The following TMEM37 variants were observed in gnomAD, a reference collection of about 807,000 sequenced individuals.
TMEM37 encodes the protein voltage-dependent calcium channel gamma-like subunit.
TMEM37 carries 12 observed loss-of-function variants against 11.0 expected under a neutral mutation model. The ratio of observed to expected loss-of-function variants is 1.09; its 90% CI spans 0.70 to 1.76. The LOEUF (loss-of-function observed/expected upper bound fraction) is 1.76, where lower values mean the gene tolerates loss of function less well. TMEM37 is among the 40% of genes most tolerant of loss of function. The probability of loss-of-function intolerance (pLI) is 0.00; values close to 1 mark genes in which losing one functional copy is unlikely to be tolerated. For synonymous variants in TMEM37, 127 were observed against 110.5 expected (o/e 1.15, Z -0.94); for missense variants, 203 against 251.2 (o/e 0.81, Z 1.30).
Position 119,437,021 on chromosome 2 carries a change from C to G in TMEM37, c.154C>G (p.Leu52Val), listed in dbSNP as rs369122111. 1 of 1,614,130 alleles carries G rather than the reference C, an allele frequency of 6.2e-7. No individual in the cohort carries two copies. Among genetic ancestry groups the G allele is most frequent in the African/African-American group, 1.3e-5 (1 of 74,946 alleles). The stretch of plus-strand genomic sequence containing the variant: ...CTCCATTTGTGATGGGCACTGGCTC[C>G]TGGCTGAGGACCGCCTCTTCGGGCT... ...SVSICDGHWLLAEDRLFGLWH... is the reference protein window; with the variant it reads ...SVSICDGHWLVAEDRLFGLWH... The change falls in exon 2 of 2, where the codon CTG (leucine) becomes GTG (valine). Residue 52 changes from leucine (L) to valine (V), a missense_variant. Physicochemically the swap from Leu to Val is conservative, Grantham distance 32 (BLOSUM62 1). Coordinates refer to ENST00000306406, the MANE Select transcript of TMEM37 (RefSeq NM_183240.3).
At chr2:119,431,271 C>G (rs1682388514), upstream of TMEM37, among the ~76,000 whole-genome samples, 1 of 152,230 alleles carries the variant, frequency 6.6e-6, no homozygotes, top group African/African-American at 2.4e-5. Context: ...GTTTTACATC[C>G]CCTTTTAGGG....
upstream of TMEM37, chr2:119,430,236 G>A: frequency 1.5e-6 from 1 of 655,448 alleles, no homozygotes. Context: ...CTTTGCCTTA[G>A]CTCAGTGGTT....
chr2:119,436,021 C>T (rs1009034091), intron 1 of TMEM37, among the ~76,000 whole-genome samples: 6 of 152,084 alleles, frequency 3.9e-5, no homozygotes, highest in African/African-American at 1.4e-4. Context: ...TTGTGAGAGG[C>T]TTGTGGGCTG....
upstream of TMEM37, among the ~76,000 whole-genome samples, chr2:119,431,347 C>T (rs1370855887): frequency 6.6e-6 from 1 of 152,168 alleles, no homozygotes; most frequent in Non-Finnish European, 1.5e-5. Context: ...GGCAAGAGCC[C>T]CACCTTTCAC....
chr2:119,437,522 C>T lies in TMEM37; in HGVS notation c.*82C>T. The T allele has an allele frequency of 6.6e-7, 1 of 1,513,634 alleles. No homozygotes were observed. Among genetic ancestry groups the T allele is most frequent in the South Asian group, 1.3e-5 (1 of 76,882 alleles). The allele number at this position is 1,513,634 out of a possible 1,614,324, so 93.8% of individuals were successfully genotyped here. The stretch of plus-strand genomic sequence containing the variant: ...AAAATGGGACTTTTCCAGCATGTGG[C>T]CTCTGGTGGGGCTGGGTTGGACAAG... On this transcript the variant is annotated 3_prime_UTR_variant, in exon 2 of 2. Transcript: ENST00000306406.
upstream of TMEM37, chr2:119,430,354 C>T: frequency 2.0e-6 from 1 of 496,596 alleles, no homozygotes; most frequent in Non-Finnish European, 4.1e-6. Flanking sequence ...TTCCAGGTGA[C>T]TCTGGTGCAG....
At chr2:119,431,555 ATC>A (rs901777597), upstream of TMEM37, among the ~76,000 whole-genome samples, 6 of 152,214 alleles carry the variant, frequency 3.9e-5, no homozygotes, top group African/African-American at 1.4e-4. Context: ...CCCTCGAGGA[ATC>A]TGCGCCCCAG....
upstream of TMEM37, chr2:119,429,977 TG>T (rs1682361204): frequency 5.8e-6 from 9 of 1,550,338 alleles, no homozygotes; most frequent in Admixed American, 5.9e-5. Flanking sequence ...ACTTCCCTCT[TG>T]GCCAGGTGAG....
intron 1 of TMEM37, 82 bp from the exon 2 acceptor site, chr2:119,436,807 G>A: frequency 8.9e-7 from 1 of 1,128,042 alleles, no homozygotes; most frequent in South Asian, 1.5e-5. Context: ...CAGGATGGAG[G>A]GCTCAGGGGT....
upstream of TMEM37, chr2:119,430,226 C>G: frequency 1.5e-6 from 1 of 648,936 alleles, no homozygotes; most frequent in Non-Finnish European, 2.9e-6. Flanking sequence ...GGCAGCTGCC[C>G]TTTGCCTTAG....
At chr2:119,430,101 C>A, upstream of TMEM37, 2 of 869,008 alleles carry the variant, frequency 2.3e-6, no homozygotes, top group Non-Finnish European at 3.6e-6. Context: ...GCTCTTTATC[C>A]AGAACCCAGA....
chr2:119,435,798 C>G (rs969846623), intron 1 of TMEM37, among the ~76,000 whole-genome samples: 11 of 152,172 alleles, frequency 7.2e-5, no homozygotes, highest in Non-Finnish European at 1.5e-4. Flanking sequence ...AGGGGCCTGA[C>G]TCTGGGTTGA....
intron 1 of TMEM37, among the ~76,000 whole-genome samples, chr2:119,434,365 G>A (rs2104737246): frequency 1.3e-5 from 2 of 152,212 alleles, no homozygotes; most frequent in Middle Eastern, 6.8e-3. Context: ...GGCTCAGGAA[G>A]TTAAGAAACT....
upstream of TMEM37, chr2:119,429,995 T>A: frequency 6.5e-7 from 1 of 1,549,302 alleles, no homozygotes; most frequent in Non-Finnish European, 8.7e-7. Context: ...TGAGATGCTA[T>A]GATCCAGAAT....
At chr2:119,432,336 A>T (rs1211417717) in intron 1 of TMEM37, 5 of 167,712 alleles carry the variant, frequency 3.0e-5, no homozygotes, top group African/African-American at 4.8e-5. Context: ...AGTGAGGCTT[A>T]TGTAACAGAG....
chr2:119,436,801 A>T, intron 1 of TMEM37, 88 bp from the exon 2 acceptor site: 11 of 1,067,198 alleles, frequency 1.0e-5, no homozygotes, highest in South Asian at 1.5e-5. Flanking sequence ...GCGGAGCAGG[A>T]TGGAGGGCTC....
upstream of TMEM37, chr2:119,431,844 C>A: frequency 8.1e-7 from 1 of 1,228,820 alleles, no homozygotes; most frequent in South Asian, 3.7e-5. Flanking sequence ...GGGCTGGCGC[C>A]GGCGGCCACA....
Position 119,437,905 on chromosome 2 carries a change from G to A in TMEM37, c.*465G>A. On this transcript the variant is annotated 3_prime_UTR_variant, in exon 2 of 2. Transcript: ENST00000306406. ...GAATGGATCATTCTTCCAGCTAAGG[G>A]TCCAATCAGTGCCTAGGACTTTCTT... 1 of 111,152 alleles carries A rather than the reference G, an allele frequency of 9.0e-6. No homozygotes were observed. Among genetic ancestry groups the A allele is most frequent in the Non-Finnish European group, 2.1e-5 (1 of 47,944 alleles). 6.9% of individuals were successfully genotyped at this position (111,152 alleles called of 1,614,324 possible).
chr2:119,430,279 A>G (rs987104998), upstream of TMEM37: 62 of 616,268 alleles, frequency 1.0e-4, no homozygotes, highest in Non-Finnish European at 1.6e-4. Context: ...AGCAGCACCA[A>G]CATCACTTGA....
Sources: allele counts gnomAD v4.1 joint callset (sites outside exome capture counted in the v4.1 genomes callset), GRCh38; gene constraint gnomAD v4.1.1; transcripts MANE v1.5; gene names NCBI Gene and HGNC (gene_info 2026-07-23, HGNC 2026-07-21).